LRRTM4: variants seen among roughly 807,000 people sequenced by gnomAD.
LRRTM4 encodes the protein leucine-rich repeat transmembrane neuronal protein 4.
In LRRTM4, 25 loss-of-function variants were observed where a neutral mutation model predicts 47.6. The ratio of observed to expected loss-of-function variants is 0.53; its 90% CI spans 0.38 to 0.73. The LOEUF is 0.73. LRRTM4 is among the 30% of genes least tolerant of loss of function. The pLI, the probability that LRRTM4 is intolerant of heterozygous loss-of-function variation, is 0.00. For synonymous variants in LRRTM4, 311 were observed against 269.5 expected (o/e 1.15, Z -1.51); for missense variants, 638 against 713.4 (o/e 0.89, Z 1.20).
At position 76,748,838 on chromosome 2, in the gene LRRTM4, G is replaced by C; in HGVS notation, c.1630C>G (p.Leu544Val). 6.2e-7 allele frequency: 1 copy of C among 1,614,066 alleles called. No homozygotes were observed. Residue 544 changes from leucine to valine, a missense_variant, in exon 4 of 4, where the codon CTC (leucine) becomes GTC (valine). Coordinates refer to ENST00000409884, the MANE Select transcript of LRRTM4 (RefSeq NM_001134745.3). ...GTCTCATAGCCCTTGGTGACATGGA[G>C]TGGCTGGTGGGCCTGGCAGTACCCG... ...VIGYCQAHQP[L>V]HVTKGYETVS...
At chr2:77,261,799 T>G (rs914951542) in intron 3 of LRRTM4, among the ~76,000 whole-genome samples, 11 of 151,934 alleles carry the variant, frequency 7.2e-5, no homozygotes, top group African/African-American at 2.4e-4. Context: ...CTTAAAATTT[T>G]TTAGTACTTT....
In LRRTM4 at chr2:76,815,326, G is replaced by A. The variant is rs115673038; in HGVS notation, c.1552-66410C>T. Among the ~76,000 whole-genome samples, 525 of 152,116 alleles carry A rather than the reference G, an allele frequency of 3.5e-3. 1 individual carries two copies. Among genetic ancestry groups the A allele is most frequent in the African/African-American group, 0.012 (501 of 41,534 alleles). On this transcript the variant is annotated intron_variant, in intron 3 of 3. Transcript: ENST00000409884. ...GTTAACGGGTGACTGTGTTGCTCAC[G>A]TGATAGGGAGGGGCCTGGCTCCAAG...
At chr2:77,023,816 C>T (rs964307559) in intron 3 of LRRTM4, among the ~76,000 whole-genome samples, 2 of 152,166 alleles carry the variant, frequency 1.3e-5, no homozygotes, top group African/African-American at 4.8e-5. Context: ...CAAACTGTTC[C>T]AACCTCTGCC....
In LRRTM4 at chr2:77,057,710, C is replaced by CT. The variant is rs1451035849; in HGVS notation, c.1552-308795dup. Among the ~76,000 whole-genome samples the CT allele has an allele frequency of 2.0e-5, 3 of 152,084 alleles. No homozygotes were observed. In the East Asian group the frequency reaches 5.8e-4, roughly 29 times the overall value. On this transcript the variant is annotated intron_variant, in intron 3 of 3. Coordinates refer to ENST00000409884, the MANE Select transcript of LRRTM4 (RefSeq NM_001134745.3). ...CCATTAAATCAGGACCTCTTAAGTA[C>CT]TTTTTTAAAAGCTTTCATATGCTTT...
chr2:77,245,120 T>C (rs896223243), intron 3 of LRRTM4, among the ~76,000 whole-genome samples: 4 of 152,122 alleles, frequency 2.6e-5, no homozygotes, highest in East Asian at 1.9e-4. Flanking sequence ...CAAATGCTAC[T>C]GAGAGAGACA....
At chr2:76,981,682 G>A (rs928325017) in intron 3 of LRRTM4, among the ~76,000 whole-genome samples, 77 of 151,828 alleles carry the variant, frequency 5.1e-4, no homozygotes, top group African/African-American at 1.8e-3. Context: ...TTGCAGAGAA[G>A]GAGTCTCGTT....
chr2:76,822,916 A>C (rs1671093707), intron 3 of LRRTM4, among the ~76,000 whole-genome samples: 1 of 151,456 alleles, frequency 6.6e-6, no homozygotes, highest in African/African-American at 2.4e-5. Flanking sequence ...AAAAGTAATA[A>C]AATTATTTCA....
rs112521129 is a variant in LRRTM4, at chr2:77,264,574, T to A, written c.1551+253744A>T. On this transcript the variant is annotated intron_variant, in intron 3 of 3. Transcript: ENST00000409884. ...AGAAATCCAAGACAACTTAAAGAAT[T>A]CAGGCAATATGTTAAATACCTCATT... Among the ~76,000 whole-genome samples the A allele has an allele frequency of 6.1e-3, 933 of 152,124 alleles. 6 individuals carry two copies. Among genetic ancestry groups the A allele is most frequent in the African/African-American group, 0.021 (883 of 41,528 alleles).
chr2:77,489,680 C>G (rs940774900), intron 3 of LRRTM4, among the ~76,000 whole-genome samples: 1 of 152,122 alleles, frequency 6.6e-6, no homozygotes, highest in Non-Finnish European at 1.5e-5. Flanking sequence ...TTACAACATG[C>G]AAGAATTGTA....
At chr2:76,879,184 G>C (rs1672859284) in intron 3 of LRRTM4, among the ~76,000 whole-genome samples, 1 of 152,192 alleles carries the variant, frequency 6.6e-6, no homozygotes, top group East Asian at 1.9e-4. Context: ...ACATTAAACA[G>C]TAGGTTTTCA....
chr2:77,520,002 G>T, intron 2 of LRRTM4, 138 bp from the exon 3 acceptor site: 1 of 1,373,032 alleles, frequency 7.3e-7, no homozygotes, highest in Non-Finnish European at 9.6e-7. Context: ...AACATTTCGA[G>T]CATTATTTTC....
chr2:77,370,989 T>A (rs1672636518), intron 3 of LRRTM4, among the ~76,000 whole-genome samples: 1 of 151,710 alleles, frequency 6.6e-6, no homozygotes, highest in Non-Finnish European at 1.5e-5. Context: ...TACAATTAGT[T>A]GGTTGGGGAG....
chr2:77,038,506 G>T (rs1270065208), intron 3 of LRRTM4, among the ~76,000 whole-genome samples: 1 of 151,418 alleles, frequency 6.6e-6, no homozygotes, highest in Non-Finnish European at 1.5e-5. Context: ...TTTTAGCATT[G>T]TGTATGTCAC....
chr2:77,349,003 G>T (rs1187267593), intron 3 of LRRTM4, among the ~76,000 whole-genome samples: 1 of 151,908 alleles, frequency 6.6e-6, no homozygotes. Flanking sequence ...GATTATAAAT[G>T]TCAAATCACT....
intron 3 of LRRTM4, among the ~76,000 whole-genome samples, chr2:77,472,136 T>C (rs1677213191): frequency 6.6e-6 from 1 of 152,160 alleles, no homozygotes; most frequent in South Asian, 2.1e-4. Context: ...GTGCTTTATG[T>C]TGGTGATTTT....
In LRRTM4 at chr2:77,373,552, A is replaced by G. The variant is rs1446707370; in HGVS notation, c.1551+144766T>C. On this transcript the variant is annotated intron_variant, in intron 3 of 3. Transcript: ENST00000409884. ...CAGACTTATTAGAAATTGTAAAGTTAGCATAGAAAGTTTTTTGGAACCCTA... is the reference window on the plus strand; with the variant it reads ...CAGACTTATTAGAAATTGTAAAGTTGGCATAGAAAGTTTTTTGGAACCCTA... 2.0e-5 allele frequency among the ~76,000 whole-genome samples: 3 copies of G among 151,726 alleles called. No individual in the cohort carries two copies. The Admixed American group carries it at 2.0e-4, about 10-fold the overall frequency.
chr2:77,499,997 A>C (rs1053939520), intron 3 of LRRTM4, among the ~76,000 whole-genome samples: 2 of 151,830 alleles, frequency 1.3e-5, no homozygotes, highest in South Asian at 2.1e-4. Context: ...AAAGAAAAAA[A>C]AAGTGATACT....
intron 3 of LRRTM4, among the ~76,000 whole-genome samples, chr2:77,209,597 G>A (rs778871580): frequency 1.3e-4 from 20 of 152,090 alleles, no homozygotes; most frequent in Non-Finnish European, 2.5e-4. Context: ...TCATTTGTTG[G>A]AACACTCACA....
intron 3 of LRRTM4, among the ~76,000 whole-genome samples, chr2:77,319,611 G>A (rs1437187207): frequency 1.3e-5 from 2 of 152,126 alleles, no homozygotes; most frequent in East Asian, 3.9e-4. Context: ...TGTAAAATAA[G>A]GCAATATGGG....
Sources: allele counts gnomAD v4.1 joint callset (sites outside exome capture counted in the v4.1 genomes callset), GRCh38; gene constraint gnomAD v4.1.1; transcripts MANE v1.5; gene names NCBI Gene and HGNC (gene_info 2026-07-23, HGNC 2026-07-21).